Variants in RAB32 observed in about 807,000 individuals in gnomAD.
RAB32 encodes ras-related protein Rab-32.
A neutral mutation model predicts 17.5 loss-of-function variants in RAB32; 17 were observed. That is an observed-to-expected ratio of 0.97 (90% CI 0.67 to 1.46). The LOEUF (loss-of-function observed/expected upper bound fraction) is 1.46. Ranked by LOEUF, RAB32 falls within the 40% of genes most tolerant of loss-of-function variation. The pLI, the probability that RAB32 is intolerant of heterozygous loss-of-function variation, is 0.00. For missense variants in RAB32, 288 were observed against 284.3 expected, an observed-to-expected ratio of 1.01 and a Z score of -0.09; for synonymous variants, 115 against 111.1, an observed-to-expected ratio of 1.04 and a Z score of -0.22.
Position 146,543,898 on chromosome 6 carries a change from C to G in RAB32, c.27C>G (p.Pro9=). ...TGGCGGGCGGAGGAGCCGGGGACCCCGGCCTGGGGGCGGCCGCCGCCCCAG... is the reference window on the plus strand; with the variant it reads ...TGGCGGGCGGAGGAGCCGGGGACCCGGGCCTGGGGGCGGCCGCCGCCCCAG... MAGGGAGD[P]GLGAAAAPAP... Residue 9 remains proline (P), a synonymous_variant, in exon 1 of 3, where the codon CCC becomes CCG. Coordinates refer to ENST00000367495, the MANE Select transcript of RAB32 (RefSeq NM_006834.5). 1 of 1,565,116 alleles carries G rather than the reference C, an allele frequency of 6.4e-7. No individual in the cohort carries two copies. Among genetic ancestry groups the G allele is most frequent in the Non-Finnish European group, 8.6e-7 (1 of 1,158,414 alleles).
In RAB32 at chr6:146,544,034, C is replaced by A; in HGVS notation, c.163C>A (p.Arg55=). 1 of 1,613,958 alleles carries A rather than the reference C, an allele frequency of 6.2e-7. No homozygotes were observed. Among genetic ancestry groups the A allele is most frequent in the Non-Finnish European group, 8.5e-7 (1 of 1,179,982 alleles). ...CCACCAGCTCTTCTCCCAGCACTAC[C>A]GGGCCACCATCGGGGTGGACTTCGC... ...YVHQLFSQHY[R]ATIGVDFALK... Residue 55 remains arginine (R), a synonymous_variant, in exon 1 of 3, where the codon CGG becomes AGG. Coordinates refer to ENST00000367495, the MANE Select transcript of RAB32 (RefSeq NM_006834.5).
Position 146,547,913 on chromosome 6 carries a change from T to C in RAB32, c.251-1551T>C, listed in dbSNP as rs905489942. ...CTTTTTCAATTTCCTAATTTAAGAC[T>C]GTCATATCTTGTTGCTTAGTCTTTT... On this transcript the variant is annotated intron_variant, in intron 1 of 2. Coordinates refer to ENST00000367495, the MANE Select transcript of RAB32 (RefSeq NM_006834.5). Among the ~76,000 whole-genome samples, 3 of 152,188 alleles carry C rather than the reference T, an allele frequency of 2.0e-5. No individual in the cohort carries two copies. In the East Asian group the frequency reaches 5.8e-4, roughly 29 times the overall value.
intron 2 of RAB32, among the ~76,000 whole-genome samples, chr6:146,550,217 A>G (rs1311025570): frequency 1.3e-5 from 2 of 152,212 alleles, no homozygotes; most frequent in African/African-American, 4.8e-5. Context: ...AAGATTTGAA[A>G]CAGCCAGAAA....
At chr6:146,549,408 A>G in intron 1 of RAB32, 56 bp from the exon 2 acceptor site, 1 of 1,478,012 alleles carries the variant, frequency 6.8e-7, no homozygotes, top group Non-Finnish European at 9.2e-7. Flanking sequence ...GTTATACCTA[A>G]ATGTAGACTC....
chr6:146,551,154 C>T (rs1779893471), intron 2 of RAB32, among the ~76,000 whole-genome samples: 1 of 152,128 alleles, frequency 6.6e-6, no homozygotes, highest in African/African-American at 2.4e-5. Context: ...CTGTCTACTG[C>T]AGGCAGAAAT....
chr6:146,549,979 G>A (rs1273706341), intron 2 of RAB32, among the ~76,000 whole-genome samples: 1 of 152,170 alleles, frequency 6.6e-6, no homozygotes, highest in East Asian at 1.9e-4. Context: ...AGGGCAAAAA[G>A]CAAATGACAT....
Position 146,549,689 on chromosome 6 carries a change from A to T in RAB32, c.476A>T (p.Asp159Val). 6.2e-7 allele frequency: 1 copy of T among 1,614,234 alleles called. No homozygotes were observed. The highest frequency in any genetic ancestry group is 8.5e-7 in the Non-Finnish European group (1 of 1,180,038). ...AGTAGCCAGAGTCCTTCCCAGGTGG[A>T]CCAATTCTGCAAAGAACATGGCTTT... is the stretch of plus-strand genomic sequence containing the variant. Reference protein sequence around the residue: ...KDSSQSPSQVDQFCKEHGFAG... With the variant: ...KDSSQSPSQVVQFCKEHGFAG... The change falls in exon 2 of 3, where the codon GAC becomes GTC. Residue 159 changes from aspartate (D) to valine (V), a missense_variant. By Grantham distance (152) the Asp-to-Val change is radical. Coordinates refer to ENST00000367495, the MANE Select transcript of RAB32 (RefSeq NM_006834.5).
intron 1 of RAB32, among the ~76,000 whole-genome samples, chr6:146,548,724 A>G (rs997574748): frequency 6.6e-5 from 10 of 152,202 alleles, no homozygotes; most frequent in African/African-American, 1.9e-4. Context: ...TTCCTATGCC[A>G]AAGATTAGTA....
In RAB32 at chr6:146,554,745, G is replaced by A; in HGVS notation, c.*140G>A. On this transcript the variant is annotated 3_prime_UTR_variant, in exon 3 of 3. Coordinates refer to ENST00000367495, the MANE Select transcript of RAB32 (RefSeq NM_006834.5). The stretch of plus-strand genomic sequence containing the variant: ...CACCACTGGGCGCCTGCACTTATTT[G>A]AAAATGGAACTTTGGGAGAAGTATC... 1.2e-6 allele frequency: 1 copy of A among 838,532 alleles called. No individual in the cohort carries two copies. The highest frequency in any genetic ancestry group is 1.8e-6 in the Non-Finnish European group (1 of 562,450). The allele number at this position is 838,532 out of a possible 1,614,324, so 51.9% of individuals were successfully genotyped here.
chr6:146,551,722 G>T lies in RAB32; in HGVS notation c.528+1981G>T, dbSNP rs182578933. Among the ~76,000 whole-genome samples the T allele has an allele frequency of 2.0e-3, 298 of 152,146 alleles. 3 individuals are homozygous for T. The highest frequency in any genetic ancestry group is 7.0e-3 in the African/African-American group (289 of 41,510). On this transcript the variant is annotated intron_variant, in intron 2 of 2. Transcript: ENST00000367495. The stretch of plus-strand genomic sequence containing the variant: ...TCTTTCAGATAGTAAATCCAGATTT[G>T]CCCCCAGATGTAAGACGTCATGTGA...
chr6:146,547,135 C>T (rs1233880032), intron 1 of RAB32, among the ~76,000 whole-genome samples: 1 of 152,114 alleles, frequency 6.6e-6, no homozygotes, highest in Non-Finnish European at 1.5e-5. Context: ...TCTTTGATAA[C>T]ACTTTACAGA....
At chr6:146,550,399 A>G (rs1480095281) in intron 2 of RAB32, among the ~76,000 whole-genome samples, 1 of 152,130 alleles carries the variant, frequency 6.6e-6, no homozygotes, top group East Asian at 1.9e-4. Flanking sequence ...CTGTAATCCT[A>G]GCAGTCTGGG....
rs145913419 is a variant in RAB32, at chr6:146,554,157, C to G, written c.529-299C>G. On this transcript the variant is annotated intron_variant, in intron 2 of 2. Transcript: ENST00000367495. ...TGGAATGTCTTCATTATATGAATTGCAGCCCAGAGCAAAGATTCATTTTCA... is the reference window on the plus strand; with the variant it reads ...TGGAATGTCTTCATTATATGAATTGGAGCCCAGAGCAAAGATTCATTTTCA... 5.1e-4 allele frequency among the ~76,000 whole-genome samples: 78 copies of G among 152,208 alleles called. No individual in the cohort carries two copies. In the East Asian group the frequency reaches 0.014, roughly 28 times the overall value.
At chr6:146,552,696 G>T (rs1779911509) in intron 2 of RAB32, among the ~76,000 whole-genome samples, 1 of 152,124 alleles carries the variant, frequency 6.6e-6, no homozygotes, top group African/African-American at 2.4e-5. Context: ...GGGCTTAAAA[G>T]GAATGACACC....
chr6:146,552,489 C>T (rs1422092056), intron 2 of RAB32, among the ~76,000 whole-genome samples: 1 of 152,100 alleles, frequency 6.6e-6, no homozygotes. Flanking sequence ...CAATGAACCT[C>T]ATAGCATTGG....
At chr6:146,548,049 C>T (rs73586077) in intron 1 of RAB32, among the ~76,000 whole-genome samples, 1,895 of 152,128 alleles carry the variant, frequency 0.012, 31 homozygotes, top group African/African-American at 0.043. Flanking sequence ...TGCAGAATAG[C>T]GATTTTGAAC....
chr6:146,549,401 A>G, intron 1 of RAB32, 63 bp from the exon 2 acceptor site: 1 of 1,392,470 alleles, frequency 7.2e-7, no homozygotes, highest in Non-Finnish European at 9.9e-7. Flanking sequence ...AAAAGGGGTT[A>G]TACCTAAATG....
At chr6:146,545,403 A>G (rs1328826746) in intron 1 of RAB32, among the ~76,000 whole-genome samples, 1 of 152,156 alleles carries the variant, frequency 6.6e-6, no homozygotes, top group Admixed American at 6.5e-5. Context: ...CCTTCATTCT[A>G]CAGTCCCTAC....
At chr6:146,549,855 GA>G in intron 2 of RAB32, 114 bp downstream of exon 2, 1 of 1,229,904 alleles carries the variant, frequency 8.1e-7, no homozygotes, top group South Asian at 1.5e-5. Flanking sequence ...TGGAAAATGA[GA>G]AGTGTAGCAT....
Sources: gnomAD v4.1 joint callset for allele counts (sites outside exome capture counted in the v4.1 genomes callset) on GRCh38, gnomAD v4.1.1 for gene constraint, MANE v1.5 for transcripts, NCBI Gene and HGNC (gene_info 2026-07-23, HGNC 2026-07-21) for gene names.